VWF: variants seen among roughly 807,000 people sequenced by gnomAD.
The protein encoded by VWF is Factor VIII related antigen.
In VWF, 176 loss-of-function variants were observed where a neutral mutation model predicts 308.6. The observed-to-expected ratio is 0.57, with a 90% CI of 0.50 to 0.65. The LOEUF is 0.65. Among genes scored for constraint, VWF ranks in the 30% least tolerant of loss-of-function variants. The pLI, the probability that VWF is intolerant of heterozygous loss-of-function variation, is 0.00. For missense variants in VWF, 3,146 were observed against 3,648.2 expected, an observed-to-expected ratio of 0.86 and a Z score of 3.55; for synonymous variants, 1,385 against 1,443.4, an observed-to-expected ratio of 0.96 and a Z score of 0.92.
intron 38 of VWF, among the ~76,000 whole-genome samples, chr12:5,986,203 A>G (rs1023510156): frequency 1.2e-4 from 18 of 152,206 alleles, no homozygotes; most frequent in African/African-American, 3.9e-4. Flanking sequence ...AGGTACACAC[A>G]GCCCCACAGC....
intron 17 of VWF, 135 bp from the exon 18 acceptor site, chr12:6,044,586 C>T (rs937771081): frequency 2.7e-4 from 296 of 1,077,918 alleles, no homozygotes; most frequent in Non-Finnish European, 3.3e-4. Flanking sequence ...GGACCAGCAG[C>T]TGCCTGAGCC....
chr12:6,089,993 T>C (rs991680331), intron 6 of VWF, among the ~76,000 whole-genome samples: 25 of 152,100 alleles, frequency 1.6e-4, no homozygotes, highest in Non-Finnish European at 1.5e-5. Flanking sequence ...AGTCTCGCTG[T>C]GTCACCCAGG....
chr12:5,955,641 A>G (rs1565808028), intron 47 of VWF, among the ~76,000 whole-genome samples: 1 of 151,994 alleles, frequency 6.6e-6, no homozygotes, highest in African/African-American at 2.4e-5. Context: ...GGTTGGTTCC[A>G]AGTCTTTGCT....
In VWF at chr12:6,013,556, C is replaced by T. The variant is rs61750611; in HGVS notation, c.5545G>A (p.Val1849Met). 5 of 1,613,956 alleles carry T rather than the reference C, an allele frequency of 3.1e-6. No homozygotes were observed. Among genetic ancestry groups the T allele is most frequent in the South Asian group, 2.2e-5 (2 of 91,074 alleles). Residue 1849 changes from valine (V) to methionine (M), a missense_variant, in exon 32 of 52, where the codon GTG (valine) becomes ATG (methionine). Physicochemically the swap from Val to Met is conservative, Grantham distance 21. This residue lies in a region of VWF where 853 missense variants were observed against 1,177.8 expected (regional missense o/e 0.72). Transcript: ENST00000261405. ...LAGPAGDSNV[V>M]KLQRIEDLPT... ...AGGTCTTCGATTCGCTGGAGCTTCA[C>T]CACGTTGGAGTCGCCTGCTGGGCCT...
chr12:6,071,412 G>T, intron 9 of VWF, 69 bp from the exon 10 acceptor site: 2 of 1,562,196 alleles, frequency 1.3e-6, no homozygotes, highest in Middle Eastern at 1.7e-4. Context: ...TGGATTTAGA[G>T]CTCATGGTAG....
chr12:5,993,844 G>A lies in VWF; in HGVS notation c.6598+18C>T, dbSNP rs201587148. 2.7e-5 allele frequency: 44 copies of A among 1,610,386 alleles called. No homozygotes were observed. In the African/African-American group the frequency reaches 5.5e-4, roughly 20 times the overall value. ...TTAGCTGGTCTCCAGGATTTTCAGAGGTAACTTGGAGACTCACCACAGAAA... is the reference window on the plus strand; with the variant it reads ...TTAGCTGGTCTCCAGGATTTTCAGAAGTAACTTGGAGACTCACCACAGAAA... On this transcript the variant is annotated intron_variant, in intron 37 of 51. Coordinates refer to ENST00000261405, the MANE Select transcript of VWF (RefSeq NM_000552.5).
intron 42 of VWF, among the ~76,000 whole-genome samples, chr12:5,981,019 C>T (rs1382344456): frequency 3.3e-5 from 5 of 152,220 alleles, no homozygotes; most frequent in Non-Finnish European, 7.3e-5. Flanking sequence ...CATTCGTTGA[C>T]ACTTTATTAT....
intron 34 of VWF, among the ~76,000 whole-genome samples, chr12:6,000,457 A>C (rs371119470): frequency 6.6e-6 from 1 of 152,182 alleles, no homozygotes; most frequent in African/African-American, 2.4e-5. Flanking sequence ...CTATAGAAAA[A>C]CAGTTTTAAA....
chr12:5,964,550 T>C (rs181142388), intron 47 of VWF, among the ~76,000 whole-genome samples: 4 of 152,342 alleles, frequency 2.6e-5, no homozygotes, highest in Admixed American at 1.3e-4. Context: ...GATCCATTCA[T>C]TGGGGTCCTG....
intron 3 of VWF, among the ~76,000 whole-genome samples, chr12:6,118,518 G>T (rs1945394127): frequency 6.6e-6 from 1 of 150,976 alleles, no homozygotes; most frequent in African/African-American, 2.4e-5. Flanking sequence ...CTCCCGAGCA[G>T]CTGGGATACA....
At chr12:6,084,206 T>A (rs1426404389) in intron 6 of VWF, among the ~76,000 whole-genome samples, 1 of 152,238 alleles carries the variant, frequency 6.6e-6, no homozygotes, top group Non-Finnish European at 1.5e-5. Context: ...CAAATGCTTA[T>A]AACTATTCTC....
intron 9 of VWF, 86 bp from the exon 10 acceptor site, chr12:6,071,429 C>T (rs1944780302): frequency 2.0e-6 from 3 of 1,471,094 alleles, no homozygotes; most frequent in Admixed American, 1.7e-5. Flanking sequence ...GTAGTTATCA[C>T]AGTCCCCAAA....
intron 32 of VWF, among the ~76,000 whole-genome samples, chr12:6,012,762 C>T (rs745361595): frequency 1.5e-4 from 22 of 150,154 alleles, no homozygotes; most frequent in African/African-American, 3.4e-4. Context: ...AGTACAGTGG[C>T]GCGATCTCGG....
rs1400256562 is a variant in VWF, at chr12:6,019,402, T to A, written c.4016A>T (p.Glu1339Val). Residue 1339 changes from glutamate (E) to valine (V), a missense_variant, in exon 28 of 52, where the codon GAG (glutamate) becomes GTG (valine). Glu to Val is a moderately radical substitution (Grantham distance 121, BLOSUM62 -2). Transcript: ENST00000261405. This position sits in a 1 kb window ranked among gnomAD's most constrained non-coding sequence, Gnocchi z 5.8. ...IGLKDRKRPS[E>V]LRRIASQVKY... ...CACCTGGCTGGCAATGCGCCGCAGC[T>A]CTGACGGTCGCTTCCGGTCCTTGAG... 1 of 1,613,914 alleles carries A rather than the reference T, an allele frequency of 6.2e-7. No individual in the cohort carries two copies. Among genetic ancestry groups the A allele is most frequent in the Admixed American group, 1.7e-5 (1 of 60,016 alleles).
intron 6 of VWF, among the ~76,000 whole-genome samples, chr12:6,079,603 CTG>C (rs1484053502): frequency 6.8e-6 from 1 of 146,850 alleles, no homozygotes; most frequent in Non-Finnish European, 1.5e-5. Flanking sequence ...GAGTGAGACT[CTG>C]TCTCGAAAAA....
chr12:6,116,831 A>G (rs1225033478), intron 3 of VWF, among the ~76,000 whole-genome samples: 1 of 152,248 alleles, frequency 6.6e-6, no homozygotes, highest in Non-Finnish European at 1.5e-5. Flanking sequence ...AATAAGGTCC[A>G]CAGGCACTCG....
chr12:5,980,257 TAGGG>T (rs71064177), intron 42 of VWF, among the ~76,000 whole-genome samples: 4 of 45,826 alleles, frequency 8.7e-5, no homozygotes, highest in African/African-American at 8.5e-5. Flanking sequence ...GGAAGTGACG[TAGGG>T]AGGGAGGGAG....
intron 47 of VWF, among the ~76,000 whole-genome samples, chr12:5,958,317 T>C (rs906784736): frequency 3.9e-5 from 6 of 152,206 alleles, no homozygotes; most frequent in African/African-American, 1.4e-4. Context: ...GACGCACTTT[T>C]AATTTAGATA....
chr12:5,968,281 C>G, intron 45 of VWF, 114 bp from the exon 46 acceptor site: 1 of 1,327,956 alleles, frequency 7.5e-7, no homozygotes, highest in Non-Finnish European at 1.0e-6. Flanking sequence ...CCTCCTGTAT[C>G]GGTCGGCCCT....
Sources: allele counts gnomAD v4.1 joint callset (sites outside exome capture counted in the v4.1 genomes callset), GRCh38; gene constraint gnomAD v4.1.1; regional missense constraint gnomAD v4.1.1; non-coding constraint Gnocchi (gnomAD v3.1); transcripts MANE v1.5; gene names NCBI Gene and HGNC (gene_info 2026-07-23, HGNC 2026-07-21).